FHAD1: variants seen among roughly 807,000 people sequenced by gnomAD.
FHAD1 encodes forkhead associated phosphopeptide binding domain 1.
Under a neutral mutation model 191.3 loss-of-function variants are expected in FHAD1, and 146 were observed. That is an observed-to-expected ratio of 0.76 (90% CI 0.67 to 0.88). The LOEUF is 0.88. FHAD1 is among the 40% of genes least tolerant of loss of function. FHAD1 has a pLI of 0.00. For missense variants in FHAD1, 1,635 were observed against 1,785.8 expected, an observed-to-expected ratio of 0.92 and a Z score of 1.52; for synonymous variants, 616 against 672.3, an observed-to-expected ratio of 0.92 and a Z score of 1.29.
intron 3 of FHAD1, among the ~76,000 whole-genome samples, chr1:15,284,084 T>C (rs1301925324): frequency 6.6e-6 from 1 of 152,152 alleles, no homozygotes; most frequent in Non-Finnish European, 1.5e-5. Flanking sequence ...ATGCTTCCCC[T>C]ACCCCAGAGT....
rs1418851361 is a variant in FHAD1, at chr1:15,397,431, A to C, written c.*18A>C. The C allele has an allele frequency of 2.1e-5, 27 of 1,306,384 alleles. No homozygotes were observed. The highest frequency in any genetic ancestry group is 2.8e-5 in the Non-Finnish European group (26 of 943,956). 80.9% of individuals were successfully genotyped at this position (1,306,384 alleles called of 1,614,324 possible). ...AGTACTAGAGAAACCTCGTCCCACCAGGCCTCATGTGATCCTCTGTGAGTT... is the reference window on the plus strand; with the variant it reads ...AGTACTAGAGAAACCTCGTCCCACCCGGCCTCATGTGATCCTCTGTGAGTT... On this transcript the variant is annotated 3_prime_UTR_variant, in exon 34 of 34. Transcript: ENST00000688493.
In FHAD1 at chr1:15,328,449, TC is replaced by T; in HGVS notation, c.1710+22del. 7.0e-7 allele frequency: 1 copy of T among 1,430,138 alleles called. No homozygotes were observed. Among genetic ancestry groups the T allele is most frequent in the Non-Finnish European group, 9.2e-7 (1 of 1,087,660 alleles). The allele number at this position is 1,430,138 out of a possible 1,614,324, so 88.6% of individuals were successfully genotyped here. On this transcript the variant is annotated intron_variant, in intron 13 of 33. Transcript: ENST00000688493. ...TGCCAGGTGGCCCCTCCTTACGCTT[TC>T]CACAAATGGTCTCTTTGTCTAATTT...
At chr1:15,288,752 G>T (rs1663403873) in intron 3 of FHAD1, among the ~76,000 whole-genome samples, 1 of 152,220 alleles carries the variant, frequency 6.6e-6, no homozygotes, top group Non-Finnish European at 1.5e-5. Context: ...ACGTCTGTGG[G>T]TGTTCAGAGT....
intron 26 of FHAD1, 139 bp from the exon 27 acceptor site, chr1:15,374,363 C>T (rs1381306728): frequency 5.0e-6 from 5 of 992,614 alleles, no homozygotes; most frequent in African/African-American, 3.3e-5. Context: ...AATTCTATCT[C>T]TGCTGAAGCC....
rs79345226 is a variant in FHAD1, at chr1:15,372,215, C to T, written c.3448-2287C>T. Among the ~76,000 whole-genome samples, 379 of 123,144 alleles carry T rather than the reference C, an allele frequency of 3.1e-3. 1 individual carries two copies. Among genetic ancestry groups the T allele is most frequent in the African/African-American group, 0.011 (357 of 31,200 alleles). 80.8% of individuals were successfully genotyped at this position (123,144 alleles called of 152,430 possible). On this transcript the variant is annotated intron_variant, in intron 26 of 33. Transcript: ENST00000688493. ...GCAGAGCCAGAAGGAAGGAAGGGAA[C>T]GAGTGGTGGGGACATGGGGGTGGGG... is the stretch of plus-strand genomic sequence containing the variant.
intron 2 of FHAD1, 100 bp from the exon 3 acceptor site, chr1:15,272,223 A>T (rs1032420892): frequency 9.5e-7 from 1 of 1,051,392 alleles, no homozygotes; most frequent in Non-Finnish European, 1.4e-6. Flanking sequence ...TGTCGTGATG[A>T]TCTGGCGGCG....
intron 20 of FHAD1, among the ~76,000 whole-genome samples, chr1:15,354,294 G>A (rs796952354): frequency 5.3e-5 from 8 of 152,188 alleles, no homozygotes; most frequent in Admixed American, 1.3e-4. Context: ...CCCAAGTGGC[G>A]CTGATGCACT....
At position 15,381,519 on chromosome 1, in the gene FHAD1, A is replaced by T. The variant is rs1700899262; in HGVS notation, c.4022+68A>T. The T allele has an allele frequency of 5.6e-6, 7 of 1,242,674 alleles. No individual in the cohort carries two copies. Among genetic ancestry groups the T allele is most frequent in the Non-Finnish European group, 8.0e-6 (7 of 871,216 alleles). The allele number at this position is 1,242,674 out of a possible 1,614,324, so 77.0% of individuals were successfully genotyped here. Reference sequence around the variant, plus strand: ...CCCTTCTCCTGGCTAAACTCAGGCTAGCAGCAGACCTCTAGGCCTGGGACA... The same window carrying T: ...CCCTTCTCCTGGCTAAACTCAGGCTTGCAGCAGACCTCTAGGCCTGGGACA... On this transcript the variant is annotated intron_variant, in intron 30 of 33. Coordinates refer to ENST00000688493, the MANE Select transcript of FHAD1 (RefSeq NM_001391957.1). The surrounding 1 kb of genome is among the most constrained non-coding windows in gnomAD (Gnocchi z 4.6).
intron 3 of FHAD1, among the ~76,000 whole-genome samples, chr1:15,275,833 G>C (rs542400341): frequency 6.6e-6 from 1 of 152,088 alleles, no homozygotes; most frequent in African/African-American, 2.4e-5. Context: ...TGTCTTCCCC[G>C]CGGTAGAGTT....
intron 33 of FHAD1, among the ~76,000 whole-genome samples, chr1:15,396,743 G>A (rs990987283): frequency 3.3e-5 from 5 of 151,848 alleles, no homozygotes; most frequent in African/African-American, 1.2e-4. Flanking sequence ...CCGTGAGGTC[G>A]AGGTTGCAGT....
At position 15,388,091 on chromosome 1, in the gene FHAD1, C is replaced by T. The variant is rs1419883151; in HGVS notation, c.4229C>T (p.Ser1410Leu). Residue 1410 changes from serine (S) to leucine (L), a missense_variant, in exon 32 of 34, where the codon TCG becomes TTG. By Grantham distance (145) the Ser-to-Leu change is moderately radical. Transcript: ENST00000688493. ...EEHELRNAKE[S>L]TPCNCAFKEK... ...CACGAACTGAGAAACGCAAAAGAAT[C>T]GACACCTTGCAACTGTGCCTTCAAA... 8 of 1,289,868 alleles carry T rather than the reference C, an allele frequency of 6.2e-6. No homozygotes were observed. The highest frequency in any genetic ancestry group is 1.2e-5 in the South Asian group (1 of 81,028). The allele number at this position is 1,289,868 out of a possible 1,614,324, so 79.9% of individuals were successfully genotyped here.
chr1:15,290,124 G>A (rs754225915), intron 4 of FHAD1, among the ~76,000 whole-genome samples: 5 of 152,188 alleles, frequency 3.3e-5, no homozygotes, highest in South Asian at 2.1e-4. Flanking sequence ...GACTTCTCCC[G>A]AGGAAGTGTA....
chr1:15,287,452 G>A (rs1381463662), intron 3 of FHAD1, among the ~76,000 whole-genome samples: 1 of 152,184 alleles, frequency 6.6e-6, no homozygotes, highest in African/African-American at 2.4e-5. Context: ...AAGCAAACGT[G>A]TCCTTCCTCA....
At chr1:15,271,252 G>A (rs1344565323) in intron 2 of FHAD1, among the ~76,000 whole-genome samples, 3 of 152,112 alleles carry the variant, frequency 2.0e-5, no homozygotes, top group Non-Finnish European at 4.4e-5. Context: ...GGTGGAGGCT[G>A]CAGTGAGCCG....
intron 1 of FHAD1, among the ~76,000 whole-genome samples, chr1:15,240,419 G>A (rs1245252207): frequency 2.6e-5 from 4 of 152,002 alleles, no homozygotes; most frequent in Admixed American, 6.6e-5. Context: ...GCTTGAGCCC[G>A]GGAGTTCAAG....
At chr1:15,366,417 G>A (rs3765361) in intron 24 of FHAD1, among the ~76,000 whole-genome samples, 2 of 151,638 alleles carry the variant, frequency 1.3e-5, no homozygotes, top group African/African-American at 4.8e-5. Flanking sequence ...ATTCCTACCC[G>A]CACTGAGTCT....
rs778670961 is a variant in FHAD1 at position 15,375,590 on chromosome 1, A to C, written c.3578-13A>C. 8.6e-6 allele frequency: 13 copies of C among 1,512,218 alleles called. No individual in the cohort carries two copies. The highest frequency in any genetic ancestry group is 2.5e-5 in the Admixed American group (1 of 39,724). 93.7% of individuals were successfully genotyped at this position (1,512,218 alleles called of 1,614,324 possible). ...TGAGCCTTTCTTTTGAGTCTACTTTATTTCTTTTACAGATCATAAAGACCA... is the reference window on the plus strand; with the variant it reads ...TGAGCCTTTCTTTTGAGTCTACTTTCTTTCTTTTACAGATCATAAAGACCA... On this transcript the variant is annotated splice_polypyrimidine_tract_variant and intron_variant, in intron 27 of 33. Coordinates refer to ENST00000688493, the MANE Select transcript of FHAD1 (RefSeq NM_001391957.1).
At chr1:15,249,710 C>T (rs1314757996) in intron 1 of FHAD1, among the ~76,000 whole-genome samples, 1 of 152,154 alleles carries the variant, frequency 6.6e-6, no homozygotes, top group Non-Finnish European at 1.5e-5. Flanking sequence ...TCTGTTATTT[C>T]ATGTCCTAAG....
chr1:15,244,348 A>C (rs1313214712), upstream of FHAD1, among the ~76,000 whole-genome samples: 1 of 152,092 alleles, frequency 6.6e-6, no homozygotes, highest in Non-Finnish European at 1.5e-5. This position sits in a 1 kb window ranked among gnomAD's most constrained non-coding sequence, Gnocchi z 5.1. Context: ...TTTTTCATTG[A>C]GATATCAGCT....
Sources: gnomAD v4.1 joint callset for allele counts (sites outside exome capture counted in the v4.1 genomes callset) on GRCh38, gnomAD v4.1.1 for gene constraint, Gnocchi (gnomAD v3.1) non-coding constraint, MANE v1.5 for transcripts, NCBI Gene and HGNC (gene_info 2026-07-23, HGNC 2026-07-21) for gene names.